The following PTPRD variants were observed in gnomAD, a reference collection of about 807,000 sequenced individuals.
PTPRD encodes protein tyrosine phosphatase receptor type D, also known as receptor-type tyrosine-protein phosphatase delta.
PTPRD carries 34 observed loss-of-function variants against 214.5 expected under a neutral mutation model. The observed-to-expected ratio is 0.16, with a 90% confidence interval of 0.12 to 0.21. The LOEUF (loss-of-function observed/expected upper bound fraction) is 0.21. PTPRD is among the 10% of genes least tolerant of loss of function. PTPRD has a pLI of 1.00. For synonymous variants in PTPRD, 1,128 were observed against 845.7 expected, an observed-to-expected ratio of 1.33 and a Z score of -5.79; for missense variants, 2,545 against 2,398.7, an observed-to-expected ratio of 1.06 and a Z score of -1.27.
At chr9:8,670,942 G>A (rs978338111) in intron 12 of PTPRD, among the ~76,000 whole-genome samples, 1 of 152,194 alleles carries the variant, frequency 6.6e-6, no homozygotes, top group African/African-American at 2.4e-5. Context: ...AGTAGGTGGT[G>A]AAGAATTAAG....
chr9:8,431,979 G>C (rs188790385), intron 35 of PTPRD, among the ~76,000 whole-genome samples: 2 of 152,256 alleles, frequency 1.3e-5, no homozygotes, highest in Admixed American at 1.3e-4. Context: ...TGGTTGGTAC[G>C]CTATTAATTA....
chr9:9,468,895 A>G (rs541353117), intron 8 of PTPRD, among the ~76,000 whole-genome samples: 1 of 152,238 alleles, frequency 6.6e-6, no homozygotes, highest in East Asian at 1.9e-4. Context: ...CATTTTGATC[A>G]GGGCAAATTC....
chr9:8,669,295 T>C (rs969055252), intron 12 of PTPRD, among the ~76,000 whole-genome samples: 5 of 152,120 alleles, frequency 3.3e-5, no homozygotes, highest in African/African-American at 7.2e-5. Flanking sequence ...CCCTCCACTA[T>C]GGAGAAAAGA....
chr9:9,254,450 A>G (rs1425294131), intron 9 of PTPRD, among the ~76,000 whole-genome samples: 2 of 152,112 alleles, frequency 1.3e-5, no homozygotes, highest in African/African-American at 2.4e-5. Flanking sequence ...TTAGCTACCT[A>G]AAGAAGAGGT....
At chr9:9,191,564 T>G (rs1277978962) in intron 9 of PTPRD, among the ~76,000 whole-genome samples, 1 of 152,132 alleles carries the variant, frequency 6.6e-6, no homozygotes, top group Middle Eastern at 3.2e-3. Flanking sequence ...TTTATGAGTA[T>G]TTCCCTATCT....
chr9:10,137,937 T>A (rs2098954449), intron 3 of PTPRD, among the ~76,000 whole-genome samples: 1 of 151,798 alleles, frequency 6.6e-6, no homozygotes, highest in African/African-American at 2.4e-5. Flanking sequence ...CATCAAGAAC[T>A]TAGAAATATA....
chr9:8,491,878 A>T (rs6477311), intron 27 of PTPRD, among the ~76,000 whole-genome samples: 57,741 of 151,928 alleles, frequency 0.38, 12,038 homozygotes, highest in African/African-American at 0.57. Flanking sequence ...TCCTAAAAAG[A>T]TATTTGAGAA....
chr9:8,872,652 TG>T (rs2098323044), intron 11 of PTPRD, among the ~76,000 whole-genome samples: 1 of 152,252 alleles, frequency 6.6e-6, no homozygotes, highest in African/African-American at 2.4e-5. Context: ...TATGTAAATC[TG>T]GTTGATGTAA....
At chr9:9,033,747 G>A (rs2099613107) in intron 10 of PTPRD, among the ~76,000 whole-genome samples, 1 of 151,848 alleles carries the variant, frequency 6.6e-6, no homozygotes, top group Non-Finnish European at 1.5e-5. Flanking sequence ...TACTTGCCCA[G>A]GTGGTCTCAT....
chr9:9,786,991 AGCTTGT>A (rs1268093355), intron 5 of PTPRD, among the ~76,000 whole-genome samples: 1 of 152,048 alleles, frequency 6.6e-6, no homozygotes, highest in Non-Finnish European at 1.5e-5. Flanking sequence ...CAAAAAAATT[AGCTTGT>A]GTGGTGGTGT....
At chr9:10,160,987 A>G (rs949605684) in intron 3 of PTPRD, among the ~76,000 whole-genome samples, 4 of 151,930 alleles carry the variant, frequency 2.6e-5, no homozygotes, top group African/African-American at 9.7e-5. Flanking sequence ...AAAGAATATA[A>G]AATGCCTAGA....
At chr9:10,228,904 T>C (rs970897270) in intron 3 of PTPRD, among the ~76,000 whole-genome samples, 5 of 151,880 alleles carry the variant, frequency 3.3e-5, no homozygotes, top group African/African-American at 1.2e-4. Context: ...TTTCAAACTG[T>C]AATTGCAAAA....
intron 8 of PTPRD, among the ~76,000 whole-genome samples, chr9:9,571,707 G>C (rs761367384): frequency 3.3e-5 from 5 of 150,338 alleles, no homozygotes; most frequent in Non-Finnish European, 7.4e-5. Flanking sequence ...CTTATAATGG[G>C]CAATTCATAA....
intron 5 of PTPRD, among the ~76,000 whole-genome samples, chr9:9,907,183 C>T (rs563749556): frequency 2.6e-5 from 4 of 151,814 alleles, no homozygotes; most frequent in Admixed American, 6.6e-5. Flanking sequence ...TTTGCGGTGG[C>T]AAACACAGTC....
chr9:9,904,515 A>C (rs1203730512), intron 5 of PTPRD, among the ~76,000 whole-genome samples: 4 of 152,064 alleles, frequency 2.6e-5, no homozygotes, highest in Non-Finnish European at 4.4e-5. Flanking sequence ...AAGATCACAA[A>C]CCAAAGGTTA....
In PTPRD at chr9:9,833,679, GGAGA is replaced by G. The variant is rs1410095478; in HGVS notation, c.-367-66832_-367-66829del. Among the ~76,000 whole-genome samples, 13 of 94,364 alleles carry G rather than the reference GGAGA, an allele frequency of 1.4e-4. 1 individual carries two copies. Among genetic ancestry groups the G allele is most frequent in the South Asian group, 1.2e-3 (3 of 2,580 alleles). The allele number at this position is 94,364 out of a possible 152,430, so 61.9% of individuals were successfully genotyped here. A position where few individuals can be genotyped will look rare whatever the true frequency, so the allele number is the denominator to read the frequency against. ...CAACCATAAGAGACAGGTACGCTCC[GGAGA>G]GGGGGGCAGTTCAGAGACCTACCCC... is the stretch of plus-strand genomic sequence containing the variant. On this transcript the variant is annotated intron_variant, in intron 5 of 45. Transcript: ENST00000381196.
At chr9:8,411,583 C>T (rs1210448853) in intron 35 of PTPRD, among the ~76,000 whole-genome samples, 1 of 152,162 alleles carries the variant, frequency 6.6e-6, no homozygotes, top group South Asian at 2.1e-4. Flanking sequence ...AGGTTACAGG[C>T]GTGAGTCACT....
intron 2 of PTPRD, among the ~76,000 whole-genome samples, chr9:10,537,097 A>G (rs2057991614): frequency 6.6e-6 from 1 of 152,160 alleles, no homozygotes. Context: ...AGAGATAAAT[A>G]ATTCTAAAAA....
chr9:9,953,420 T>C (rs1018282073), intron 4 of PTPRD, among the ~76,000 whole-genome samples: 3 of 151,842 alleles, frequency 2.0e-5, no homozygotes, highest in Non-Finnish European at 4.4e-5. Context: ...AATTCAACCA[T>C]GTAATCAAAA....
Sources: allele counts gnomAD v4.1 joint callset (sites outside exome capture counted in the v4.1 genomes callset), GRCh38; gene constraint gnomAD v4.1.1; transcripts MANE v1.5; gene names NCBI Gene and HGNC (gene_info 2026-07-23, HGNC 2026-07-21).